The following AMN1 variants were observed in gnomAD, a reference collection of about 807,000 sequenced individuals.
AMN1 encodes the protein protein AMN1 homolog.
In AMN1, 20 loss-of-function variants were observed where a neutral mutation model predicts 33.0. The ratio of observed to expected loss-of-function variants is 0.61; its 90% CI spans 0.43 to 0.88. AMN1 has a LOEUF of 0.88. Among genes scored for constraint, AMN1 ranks in the 40% least tolerant of loss-of-function variants. AMN1 has a pLI of 0.00. For missense variants in AMN1, 246 were observed against 307.4 expected (o/e 0.80, Z 1.49); for synonymous variants, 114 against 111.9 (o/e 1.02, Z -0.12).
chr12:31,697,178 G>A (rs1001763888), intron 5 of AMN1, among the ~76,000 whole-genome samples, 183 bp downstream of exon 5: 15 of 152,030 alleles, frequency 9.9e-5, no homozygotes, highest in African/African-American at 2.9e-4. Flanking sequence ...TTATTTTAAA[G>A]CACCTTTATT....
rs57266162 is a variant in AMN1, at chr12:31,722,130, GACACACACACACACACACAC to G, written c.38+6821_38+6840del. Among the ~76,000 whole-genome samples the G allele has an allele frequency of 1.9e-4, 28 of 144,066 alleles. No individual in the cohort carries two copies. In the South Asian group the frequency reaches 5.8e-3, roughly 30 times the overall value. 94.5% of individuals were successfully genotyped at this position (144,066 alleles called of 152,430 possible). ...GACAAGTTGACTATATCAGGCCTTT[GACACACACACACACACACAC>G]ACACACACACACACACACACACACA... On this transcript the variant is annotated intron_variant, in intron 1 of 6. Coordinates refer to ENST00000281471, the MANE Select transcript of AMN1 (RefSeq NM_001113402.2).
chr12:31,715,052 C>T (rs1939617322), intron 1 of AMN1: 1 of 326,144 alleles, frequency 3.1e-6, no homozygotes, highest in Non-Finnish European at 4.4e-6. Flanking sequence ...AAATATGTTT[C>T]ACAAAGCCAG....
intron 5 of AMN1, among the ~76,000 whole-genome samples, chr12:31,690,179 T>G (rs57688887): frequency 0.02 from 2,974 of 152,360 alleles, 97 homozygotes; most frequent in African/African-American, 0.068. Context: ...TTTGCATTGG[T>G]TCCACATTTT....
chr12:31,710,562 A>ACG (rs1939425995), intron 1 of AMN1, among the ~76,000 whole-genome samples: 2 of 140,578 alleles, frequency 1.4e-5, no homozygotes, highest in African/African-American at 2.5e-5. Flanking sequence ...ACACACACAC[A>ACG]CACACACACA....
rs570860598 is a variant in AMN1 at position 31,679,935 on chromosome 12, G to A, written c.704-7558C>T. Among the ~76,000 whole-genome samples, 3 of 151,918 alleles carry A rather than the reference G, an allele frequency of 2.0e-5. No homozygotes were observed. In the East Asian group the frequency reaches 5.9e-4, roughly 30 times the overall value. ...AGGTCAGGAGTTCGAGACTAGGCTG[G>A]CCAAAATGGTGAAACCCTGTCTCTA... On this transcript the variant is annotated intron_variant, in intron 6 of 6. Coordinates refer to ENST00000281471, the MANE Select transcript of AMN1 (RefSeq NM_001113402.2).
At position 31,683,201 on chromosome 12, in the gene AMN1, G is replaced by C. The variant is rs892015136; in HGVS notation, c.703+5806C>G. On this transcript the variant is annotated intron_variant, in intron 6 of 6. Coordinates refer to ENST00000281471, the MANE Select transcript of AMN1 (RefSeq NM_001113402.2). This position sits in a 1 kb window ranked among gnomAD's most constrained non-coding sequence, Gnocchi z 4.1. Reference sequence around the variant, plus strand: ...TGGTCTCAAACTCCTAATCTCAAGTGATCTGCCTGCCTTGGCCTCCCAAAG... The same window carrying C: ...TGGTCTCAAACTCCTAATCTCAAGTCATCTGCCTGCCTTGGCCTCCCAAAG... Among the ~76,000 whole-genome samples, 2 of 152,144 alleles carry C rather than the reference G, an allele frequency of 1.3e-5. No individual in the cohort carries two copies. Among genetic ancestry groups the C allele is most frequent in the African/African-American group, 4.8e-5 (2 of 41,426 alleles).
intron 3 of AMN1, among the ~76,000 whole-genome samples, chr12:31,698,935 C>G (rs186312735): frequency 2.6e-5 from 4 of 152,132 alleles, no homozygotes; most frequent in Non-Finnish European, 2.9e-5. Context: ...TGAGTTTAAG[C>G]TAATGAGGTG....
At position 31,721,891 on chromosome 12, in the gene AMN1, T is replaced by A. The variant is rs554892178; in HGVS notation, c.38+7080A>T. On this transcript the variant is annotated intron_variant, in intron 1 of 6. Coordinates refer to ENST00000281471, the MANE Select transcript of AMN1 (RefSeq NM_001113402.2). Reference sequence around the variant, plus strand: ...CTAATCAAGTATACACCATCCAGACTGCTGCCACTGCTGCCAGGATCAGCA... The same window carrying A: ...CTAATCAAGTATACACCATCCAGACAGCTGCCACTGCTGCCAGGATCAGCA... Among the ~76,000 whole-genome samples the A allele has an allele frequency of 2.6e-5, 4 of 152,310 alleles. No individual in the cohort carries two copies. In the South Asian group the frequency reaches 8.3e-4, roughly 32 times the overall value.
intron 6 of AMN1, among the ~76,000 whole-genome samples, chr12:31,679,167 A>C (rs986254770): frequency 6.6e-6 from 1 of 152,124 alleles, no homozygotes; most frequent in African/African-American, 2.4e-5. Context: ...AAATAAATAA[A>C]AATTTAAAAT....
At chr12:31,682,457 G>A (rs1326089689) in intron 6 of AMN1, among the ~76,000 whole-genome samples, 3 of 143,392 alleles carry the variant, frequency 2.1e-5, no homozygotes, top group Non-Finnish European at 4.6e-5. Flanking sequence ...AATTCCTGGA[G>A]GACTAGAGAG....
chr12:31,690,952 G>A (rs142915326), intron 5 of AMN1, among the ~76,000 whole-genome samples: 2,737 of 152,088 alleles, frequency 0.018, 75 homozygotes, highest in African/African-American at 0.062. Flanking sequence ...TGGCTAACAT[G>A]GTGAAACCCC....
At chr12:31,721,148 G>C (rs900050100) in intron 1 of AMN1, among the ~76,000 whole-genome samples, 7 of 152,184 alleles carry the variant, frequency 4.6e-5, no homozygotes, top group Non-Finnish European at 8.8e-5. Flanking sequence ...TGGCTCCTGC[G>C]ACAGTCTGAT....
intron 1 of AMN1, among the ~76,000 whole-genome samples, chr12:31,728,206 T>TG (rs1211844468): frequency 3.3e-5 from 5 of 152,214 alleles, no homozygotes; most frequent in Non-Finnish European, 7.4e-5. Flanking sequence ...TTAAGATGTC[T>TG]ATTTTTTACA....
intron 1 of AMN1, among the ~76,000 whole-genome samples, chr12:31,716,581 C>T (rs552194416): frequency 6.6e-6 from 1 of 152,304 alleles, no homozygotes; most frequent in South Asian, 2.1e-4. Flanking sequence ...CATTAAATTG[C>T]AATCTCTGAT....
chr12:31,699,929 C>A (rs1565772849), intron 3 of AMN1, among the ~76,000 whole-genome samples: 1 of 152,168 alleles, frequency 6.6e-6, no homozygotes, highest in East Asian at 1.9e-4. Context: ...AAAAACCCCA[C>A]ACATTTGCTG....
At chr12:31,710,214 G>C (rs1363419332) in intron 1 of AMN1, among the ~76,000 whole-genome samples, 1 of 152,168 alleles carries the variant, frequency 6.6e-6, no homozygotes, top group Non-Finnish European at 1.5e-5. Flanking sequence ...TGCCAGGGTT[G>C]TATAGGCAGA....
intron 6 of AMN1, among the ~76,000 whole-genome samples, chr12:31,684,619 C>T (rs1411352172): frequency 2.6e-5 from 4 of 151,904 alleles, no homozygotes; most frequent in East Asian, 1.9e-4. Context: ...TACAGGCGCC[C>T]GCCACCATGC....
chr12:31,723,396 C>T (rs755391005), intron 1 of AMN1, among the ~76,000 whole-genome samples: 1 of 152,024 alleles, frequency 6.6e-6, no homozygotes, highest in Non-Finnish European at 1.5e-5. Flanking sequence ...CTGCAAGCTC[C>T]GCCTCCTGGG....
At chr12:31,720,750 C>T (rs1404407261) in intron 1 of AMN1, among the ~76,000 whole-genome samples, 1 of 152,096 alleles carries the variant, frequency 6.6e-6, no homozygotes, top group African/African-American at 2.4e-5. Context: ...TATTTCATTC[C>T]TTTTTACAGC....
Sources: allele counts gnomAD v4.1 joint callset (sites outside exome capture counted in the v4.1 genomes callset), GRCh38; gene constraint gnomAD v4.1.1; non-coding constraint Gnocchi (gnomAD v3.1); transcripts MANE v1.5; gene names NCBI Gene and HGNC (gene_info 2026-07-23, HGNC 2026-07-21).